The following SHMT1 variants were observed in gnomAD, a reference collection of about 807,000 sequenced individuals.
SHMT1 encodes the protein serine hydroxymethyltransferase 1, also known as serine hydroxymethyltransferase, cytosolic.
Under a neutral mutation model 49.0 loss-of-function variants are expected in SHMT1, and 45 were observed. That is an observed-to-expected ratio of 0.92 (90% confidence interval 0.72 to 1.18). The LOEUF (loss-of-function observed/expected upper bound fraction) is 1.18, where lower values mean the gene tolerates loss of function less well. Among genes scored for constraint, SHMT1 ranks in the 50% most tolerant of loss-of-function variants. The pLI is 0.00. For missense variants in SHMT1, 541 were observed against 612.4 expected (o/e 0.88, Z 1.23); for synonymous variants, 232 against 246.6 (o/e 0.94, Z 0.55).
intron 1 of SHMT1, chr17:18,360,409 A>T (rs1986646415): frequency 6.6e-6 from 1 of 151,718 alleles, no homozygotes; most frequent in Non-Finnish European, 1.5e-5. Flanking sequence ...AATACAAAAA[A>T]TTACCCGAGC....
chr17:18,349,502 T>G (rs535529522), intron 3 of SHMT1, among the ~76,000 whole-genome samples: 71 of 152,236 alleles, frequency 4.7e-4, no homozygotes, highest in African/African-American at 1.7e-3. Flanking sequence ...GAGAACTGCT[T>G]GAGGCCAGGA....
intron 3 of SHMT1, chr17:18,353,361 A>G (rs1406591549): frequency 1.0e-5 from 4 of 382,520 alleles, no homozygotes; most frequent in East Asian, 5.6e-5. Flanking sequence ...CATCCCTCAG[A>G]TGACACTGAC....
rs112604682 is a variant in SHMT1 at position 18,328,698 on chromosome 17, G to A, written c.*52C>T. The stretch of plus-strand genomic sequence containing the variant: ...TCCATCTCTCAGGTGGGGGTCCTCC[G>A]GCAGGCAGCTTCCTCTGTGGCGCCA... On this transcript the variant is annotated 3_prime_UTR_variant, in exon 12 of 12. Coordinates refer to ENST00000316694, the MANE Select transcript of SHMT1 (RefSeq NM_004169.5). The A allele has an allele frequency of 0.018, 27,848 of 1,544,684 alleles. 303 individuals carry two copies. Among genetic ancestry groups the A allele is most frequent in the Middle Eastern group, 0.049 (213 of 4,368 alleles).
intron 9 of SHMT1, chr17:18,331,859 A>G (rs1983245990): frequency 6.6e-6 from 1 of 152,238 alleles, no homozygotes; most frequent in African/African-American, 2.4e-5. Flanking sequence ...TGGTTTTGGG[A>G]TGAAACTTCC....
rs545262881 is a variant in SHMT1, at chr17:18,352,428, G to T, written c.242+1244C>A. On this transcript the variant is annotated intron_variant, in intron 3 of 11. Coordinates refer to ENST00000316694, the MANE Select transcript of SHMT1 (RefSeq NM_004169.5). Reference sequence around the variant, plus strand: ...CCCAAAGTGCTGGGATTACAGGCGTGAGCCACCGCGCCCGGTCCCCCTTCT... The same window carrying T: ...CCCAAAGTGCTGGGATTACAGGCGTTAGCCACCGCGCCCGGTCCCCCTTCT... Among the ~76,000 whole-genome samples, 17 of 152,304 alleles carry T rather than the reference G, an allele frequency of 1.1e-4. No individual in the cohort carries two copies. The East Asian group carries it at 3.3e-3, about 29-fold the overall frequency.
At chr17:18,348,666 A>C in intron 3 of SHMT1, 1 of 651,414 alleles carries the variant, frequency 1.5e-6, no homozygotes, top group Non-Finnish European at 2.9e-6. Flanking sequence ...TGGAGCAAAT[A>C]TCTCATCTAT....
chr17:18,353,151 C>A (rs1985890697), intron 3 of SHMT1, among the ~76,000 whole-genome samples: 1 of 151,822 alleles, frequency 6.6e-6, no homozygotes, highest in Admixed American at 6.6e-5. Flanking sequence ...ATTTTCTTTG[C>A]CTGATGATGA....
chr17:18,333,047 G>T, intron 9 of SHMT1, 119 bp downstream of exon 9: 1 of 1,299,964 alleles, frequency 7.7e-7, no homozygotes, highest in Non-Finnish European at 1.1e-6. Flanking sequence ...CTCCCAAGGT[G>T]GGCCCATCAT....
At position 18,328,851 on chromosome 17, in the gene SHMT1, T is replaced by C; in HGVS notation, c.1351A>G (p.Arg451Gly). 1 of 1,613,822 alleles carries C rather than the reference T, an allele frequency of 6.2e-7. No homozygotes were observed. Among genetic ancestry groups the C allele is most frequent in the Admixed American group, 1.7e-5 (1 of 60,018 alleles). ...GCCTGGTACTTATCCCCTGCCAGTCTCTCCTTGAACTCTTTCAGGGTGGCT... is the reference window on the plus strand; with the variant it reads ...GCCTGGTACTTATCCCCTGCCAGTCCCTCCTTGAACTCTTTCAGGGTGGCT... Reference protein sequence around the residue: ...VRATLKEFKERLAGDKYQAAV... With the variant: ...VRATLKEFKEGLAGDKYQAAV... The change falls in exon 12 of 12, where the codon AGA (arginine) becomes GGA (glycine). Residue 451 changes from arginine (R) to glycine (G), a missense_variant. By Grantham distance (125) the Arg-to-Gly change is moderately radical. Coordinates refer to ENST00000316694, the MANE Select transcript of SHMT1 (RefSeq NM_004169.5).
intron 1 of SHMT1, among the ~76,000 whole-genome samples, chr17:18,359,019 G>T (rs1244680947): frequency 6.6e-6 from 1 of 152,134 alleles, no homozygotes; most frequent in Non-Finnish European, 1.5e-5. Context: ...ACTTTGGGAG[G>T]CCAAGGCGTG....
At chr17:18,344,928 G>A (rs1027063577) in intron 5 of SHMT1, among the ~76,000 whole-genome samples, 1 of 152,194 alleles carries the variant, frequency 6.6e-6, no homozygotes, top group African/African-American at 2.4e-5. Context: ...GGAGGCAGGC[G>A]GTCTGGTGAA....
chr17:18,359,349 G>A (rs1458496773), intron 1 of SHMT1, among the ~76,000 whole-genome samples: 1 of 151,814 alleles, frequency 6.6e-6, no homozygotes, highest in Non-Finnish European at 1.5e-5. Flanking sequence ...CCACAGCCTA[G>A]GCAACACAGT....
intron 1 of SHMT1, among the ~76,000 whole-genome samples, chr17:18,361,509 T>C (rs1986773761): frequency 6.8e-6 from 1 of 146,914 alleles, no homozygotes; most frequent in Non-Finnish European, 1.5e-5. Context: ...AAAAGGGGGC[T>C]GGGTGCAGTG....
chr17:18,335,631 T>C lies in SHMT1; in HGVS notation c.859A>G (p.Asn287Asp), dbSNP rs1983707109. The part of the protein sequence containing the change: ...DPKTGKEILY[N>D]LESLINSAVF... ...GCAGAATTGATAAGAGACTCCAGGT[T>C]GTACAGAATCTCTTTGCCAGTCTTG... Residue 287 changes from asparagine to aspartate, a missense_variant, in exon 8 of 12, where the codon AAC (asparagine) becomes GAC (aspartate). Coordinates refer to ENST00000316694, the MANE Select transcript of SHMT1 (RefSeq NM_004169.5). 6.2e-7 allele frequency: 1 copy of C among 1,614,128 alleles called. No individual in the cohort carries two copies. The highest frequency in any genetic ancestry group is 8.5e-7 in the Non-Finnish European group (1 of 1,179,998).
chr17:18,352,767 C>G (rs1202095732), intron 3 of SHMT1, among the ~76,000 whole-genome samples: 2 of 151,470 alleles, frequency 1.3e-5, no homozygotes, highest in African/African-American at 4.9e-5. Context: ...CTGCAGTGAA[C>G]CTTGATCACA....
At chr17:18,347,326 G>A (rs1445958512) in intron 5 of SHMT1, among the ~76,000 whole-genome samples, 170 bp downstream of exon 5, 1 of 152,202 alleles carries the variant, frequency 6.6e-6, no homozygotes, top group Non-Finnish European at 1.5e-5. Context: ...CATCCCAGCT[G>A]CCCCAGCGGG....
rs1415003560 is a variant in SHMT1, at chr17:18,347,528, T to C, written c.487A>G (p.Thr163Ala). ...FMTDKKKISA[T>A]SIFFESMPYK... The stretch of plus-strand genomic sequence containing the variant: ...GGCATAGATTCAAAGAAGATGGACG[T>C]GGCAGAGATTTTCTTCTTGTCTGTC... Residue 163 changes from threonine (T) to alanine (A), a missense_variant, in exon 5 of 12, where the codon ACG (threonine) becomes GCG (alanine). Physicochemically the swap from Thr to Ala is moderately conservative, Grantham distance 58. Transcript: ENST00000316694. 15 of 1,614,204 alleles carry C rather than the reference T, an allele frequency of 9.3e-6. No individual in the cohort carries two copies. Among genetic ancestry groups the C allele is most frequent in the Non-Finnish European group, 1.3e-5 (15 of 1,180,042 alleles).
chr17:18,337,765 G>C (rs1395074337), intron 7 of SHMT1, among the ~76,000 whole-genome samples: 1 of 152,224 alleles, frequency 6.6e-6, no homozygotes, highest in Non-Finnish European at 1.5e-5. Flanking sequence ...GTGGAGACGG[G>C]GTTTTGCTGT....
At chr17:18,334,844 T>C (rs1983620033) in intron 8 of SHMT1, among the ~76,000 whole-genome samples, 1 of 152,176 alleles carries the variant, frequency 6.6e-6, no homozygotes, top group Non-Finnish European at 1.5e-5. Flanking sequence ...GTAGGTGTGA[T>C]GGGAGAACAT....
Sources: gnomAD v4.1 joint callset for allele counts (sites outside exome capture counted in the v4.1 genomes callset) on GRCh38, gnomAD v4.1.1 for gene constraint, MANE v1.5 for transcripts, NCBI Gene and HGNC (gene_info 2026-07-23, HGNC 2026-07-21) for gene names.